ITGA1: variants seen among roughly 807,000 people sequenced by gnomAD.
The protein encoded by ITGA1 is integrin subunit alpha 1.
In ITGA1, 85 loss-of-function variants were observed where a neutral mutation model predicts 145.9. The observed-to-expected ratio is 0.58, with a 90% confidence interval of 0.49 to 0.70. ITGA1 has a LOEUF of 0.70. Among genes scored for constraint, ITGA1 ranks in the 30% least tolerant of loss-of-function variants. The pLI, the probability that ITGA1 is intolerant of heterozygous loss-of-function variation, is 0.00. For synonymous variants in ITGA1, 520 were observed against 495.3 expected, an observed-to-expected ratio of 1.05 and a Z score of -0.66; for missense variants, 1,351 against 1,418.7, an observed-to-expected ratio of 0.95 and a Z score of 0.77.
Position 52,819,111 on chromosome 5 carries a change from G to A in ITGA1, c.62-30254G>A, listed in dbSNP as rs572981513. On this transcript the variant is annotated intron_variant, in intron 1 of 28. Transcript: ENST00000282588. ...GAATAGTGCCGCAATAAACACACGT[G>A]TGCATGTGTCTTTATAGCAGCATGA... Among the ~76,000 whole-genome samples, 5 of 152,276 alleles carry A rather than the reference G, an allele frequency of 3.3e-5. No individual in the cohort carries two copies. The East Asian group carries it at 9.7e-4, about 29-fold the overall frequency.
At chr5:52,863,647 T>A (rs1749641342) in intron 3 of ITGA1, among the ~76,000 whole-genome samples, 3 of 152,210 alleles carry the variant, frequency 2.0e-5, no homozygotes, top group Non-Finnish European at 4.4e-5. Context: ...AATTTATAGT[T>A]GTGATTTGCA....
chr5:52,796,389 A>C (rs763443817), intron 1 of ITGA1, among the ~76,000 whole-genome samples: 6 of 151,968 alleles, frequency 3.9e-5, no homozygotes, highest in Non-Finnish European at 7.4e-5. Flanking sequence ...TACTGATATA[A>C]AGATTTATAC....
At position 52,849,376 on chromosome 5, in the gene ITGA1, T is replaced by C; in HGVS notation, c.73T>C (p.Cys25Arg). 1 of 1,608,808 alleles carries C rather than the reference T, an allele frequency of 6.2e-7. No homozygotes were observed. The highest frequency in any genetic ancestry group is 8.5e-7 in the Non-Finnish European group (1 of 1,176,842). The change falls in exon 2 of 29, where the codon TGC (cysteine) becomes CGC (arginine). Residue 25 changes from cysteine to arginine, a missense_variant. By Grantham distance (180) the Cys-to-Arg change is radical. Transcript: ENST00000282588. Reference protein sequence around the residue: ...CCWLLTVVLRCCVSFNVDVKN... With the variant: ...CCWLLTVVLRRCVSFNVDVKN... ...TTTTTCTCCTAAAGTTGTTCTACGC[T>C]GCTGCGTATCATTCAATGTTGATGT...
intron 11 of ITGA1, chr5:52,902,913 C>CTA (rs2111837414): frequency 6.6e-6 from 1 of 152,162 alleles, no homozygotes; most frequent in East Asian, 1.9e-4. Flanking sequence ...TCAGGAAACA[C>CTA]TATTAAGCTT....
rs562080984 is a variant in ITGA1, at chr5:52,825,778, C to T, written c.62-23587C>T. 9.2e-5 allele frequency among the ~76,000 whole-genome samples: 14 copies of T among 152,140 alleles called. No individual in the cohort carries two copies. The South Asian group carries it at 2.7e-3, about 29-fold the overall frequency. Reference sequence around the variant, plus strand: ...ACTGAAAATGCAAAAATTAGCTGGGCGTGGTGGCGCCTGCCTGTAATCCCA... The same window carrying T: ...ACTGAAAATGCAAAAATTAGCTGGGTGTGGTGGCGCCTGCCTGTAATCCCA... On this transcript the variant is annotated intron_variant, in intron 1 of 28. Transcript: ENST00000282588.
chr5:52,908,834 G>T, intron 12 of ITGA1, 64 bp from the exon 13 acceptor site: 2 of 1,562,470 alleles, frequency 1.3e-6, no homozygotes, highest in Middle Eastern at 1.7e-4. Flanking sequence ...AACAAATGTA[G>T]ATTTCAGTTT....
At chr5:52,862,266 C>G (rs1344943443) in intron 3 of ITGA1, among the ~76,000 whole-genome samples, 1 of 150,692 alleles carries the variant, frequency 6.6e-6, no homozygotes, top group African/African-American at 2.4e-5. Context: ...TTAATCAACT[C>G]AAGAAAATAT....
intron 1 of ITGA1, among the ~76,000 whole-genome samples, chr5:52,843,268 T>C (rs1419526988): frequency 6.6e-6 from 1 of 152,172 alleles, no homozygotes; most frequent in Non-Finnish European, 1.5e-5. Context: ...ATAAAAATAA[T>C]GTTAATTCTA....
chr5:52,879,005 G>T (rs1232090906), intron 6 of ITGA1, among the ~76,000 whole-genome samples: 1 of 151,788 alleles, frequency 6.6e-6, no homozygotes, highest in Non-Finnish European at 1.5e-5. Context: ...TTAGTTGGAG[G>T]TCTTGATATG....
chr5:52,871,304 C>G (rs986898629), intron 6 of ITGA1, among the ~76,000 whole-genome samples: 6 of 151,996 alleles, frequency 3.9e-5, no homozygotes, highest in Non-Finnish European at 7.4e-5. Context: ...AATTAACAGA[C>G]ATTTTAAAAC....
chr5:52,842,773 C>T (rs911928605), intron 1 of ITGA1, among the ~76,000 whole-genome samples: 11 of 151,194 alleles, frequency 7.3e-5, no homozygotes, highest in African/African-American at 2.7e-4. Context: ...GCAACTTCTG[C>T]CTCCCAGGTT....
At chr5:52,867,796 G>A (rs1749711763) in intron 6 of ITGA1, among the ~76,000 whole-genome samples, 1 of 152,050 alleles carries the variant, frequency 6.6e-6, no homozygotes, top group African/African-American at 2.4e-5. Flanking sequence ...TCTGCTTGCT[G>A]ATGGCAGATT....
chr5:52,828,704 C>T (rs1580050848), intron 1 of ITGA1, among the ~76,000 whole-genome samples: 1 of 152,214 alleles, frequency 6.6e-6, no homozygotes, highest in East Asian at 1.9e-4. Flanking sequence ...AGCTACTGTA[C>T]CAAATTAGTA....
At chr5:52,856,291 C>T (rs1002495618) in intron 2 of ITGA1, among the ~76,000 whole-genome samples, 2 of 152,142 alleles carry the variant, frequency 1.3e-5, no homozygotes, top group Non-Finnish European at 2.9e-5. Flanking sequence ...TTCTGCCTTA[C>T]AATTCACAAT....
At chr5:52,869,520 T>C (rs963453674) in intron 6 of ITGA1, among the ~76,000 whole-genome samples, 42 of 152,120 alleles carry the variant, frequency 2.8e-4, no homozygotes, top group African/African-American at 8.9e-4. Flanking sequence ...ATAATTATTA[T>C]ATTAGTGTGC....
At chr5:52,907,993 C>G (rs1750438363) in intron 12 of ITGA1, among the ~76,000 whole-genome samples, 1 of 152,152 alleles carries the variant, frequency 6.6e-6, no homozygotes, top group Non-Finnish European at 1.5e-5. Flanking sequence ...AGAAGGAAGA[C>G]AGAATGATGT....
At chr5:52,895,910 G>T (rs919820991) in intron 9 of ITGA1, among the ~76,000 whole-genome samples, 1 of 151,870 alleles carries the variant, frequency 6.6e-6, no homozygotes, top group Non-Finnish European at 1.5e-5. Context: ...TTTGTTGCTC[G>T]GGAAATCTCC....
chr5:52,912,108 C>G (rs1404204834), intron 14 of ITGA1, among the ~76,000 whole-genome samples: 1 of 136,358 alleles, frequency 7.3e-6, no homozygotes, highest in Admixed American at 7.7e-5. Flanking sequence ...TATAGCGTAT[C>G]TAGTATATAG....
In ITGA1 at chr5:52,788,323, G is replaced by GC. The variant is rs1748165045; in HGVS notation, c.-30dup. On this transcript the variant is annotated 5_prime_UTR_variant, in exon 1 of 29. Transcript: ENST00000282588. Reference sequence around the variant, plus strand: ...GCCCGGTCCTGCCCTGCGAACCAGCGCGGCCCCCTGGCGCTGAGGCTGCTC... The same window carrying GC: ...GCCCGGTCCTGCCCTGCGAACCAGCGCCGGCCCCCTGGCGCTGAGGCTGCTC... The GC allele has an allele frequency of 6.7e-7, 1 of 1,487,814 alleles. No homozygotes were observed. The highest frequency in any genetic ancestry group is 2.2e-5 in the Admixed American group (1 of 45,202). 92.2% of individuals were successfully genotyped at this position (1,487,814 alleles called of 1,614,324 possible).
Sources: allele counts gnomAD v4.1 joint callset (sites outside exome capture counted in the v4.1 genomes callset), GRCh38; gene constraint gnomAD v4.1.1; transcripts MANE v1.5; gene names NCBI Gene and HGNC (gene_info 2026-07-23, HGNC 2026-07-21).